Variants in IGFBP7 observed in about 807,000 individuals in gnomAD.
IGFBP7 encodes the protein insulin-like growth factor-binding protein 7.
In IGFBP7, 31 loss-of-function variants were observed where a neutral mutation model predicts 29.4. The ratio of observed to expected loss-of-function variants is 1.05; its 90% CI spans 0.79 to 1.42. IGFBP7 has a LOEUF of 1.42. Among genes scored for constraint, IGFBP7 ranks in the 40% most tolerant of loss-of-function variants. The probability of loss-of-function intolerance (pLI) is 0.00; values close to 1 mark genes in which losing one functional copy is unlikely to be tolerated. For synonymous variants in IGFBP7, 172 were observed against 174.9 expected, an observed-to-expected ratio of 0.98 and a Z score of 0.13; for missense variants, 393 against 395.5, an observed-to-expected ratio of 0.99 and a Z score of 0.05.
chr4:57,106,440 T>C (rs1039383066), intron 1 of IGFBP7, among the ~76,000 whole-genome samples: 2 of 152,110 alleles, frequency 1.3e-5, no homozygotes, highest in African/African-American at 2.4e-5. Flanking sequence ...AAGGCACAAC[T>C]TCTACAGAGG....
chr4:57,051,661 T>C (rs1245920368), intron 1 of IGFBP7, among the ~76,000 whole-genome samples: 1 of 152,190 alleles, frequency 6.6e-6, no homozygotes, highest in Non-Finnish European at 1.5e-5. Context: ...ATAGTGACTT[T>C]GGAGCGTGGA....
intron 1 of IGFBP7, among the ~76,000 whole-genome samples, chr4:57,096,880 C>A (rs73242649): frequency 0.096 from 14,665 of 152,178 alleles, 748 homozygotes; most frequent in South Asian, 0.13. Flanking sequence ...TCCTGCTAAG[C>A]TAAGGCTACA....
chr4:57,089,039 T>TAAAA (rs397734783), intron 1 of IGFBP7, among the ~76,000 whole-genome samples: 5 of 133,068 alleles, frequency 3.8e-5, no homozygotes, highest in Non-Finnish European at 4.7e-5. Flanking sequence ...CTCAAAAAAA[T>TAAAA]AAAAAAAAAA....
At chr4:57,065,358 A>G (rs1458865486) in intron 1 of IGFBP7, 1 of 152,216 alleles carries the variant, frequency 6.6e-6, no homozygotes, top group East Asian at 1.9e-4. Flanking sequence ...AGACAAATAA[A>G]CTCAGTCTAT....
At chr4:57,066,877 AG>A (rs1724932219) in intron 1 of IGFBP7, among the ~76,000 whole-genome samples, 1 of 152,054 alleles carries the variant, frequency 6.6e-6, no homozygotes, top group African/African-American at 2.4e-5. Flanking sequence ...TTGTTTTAAA[AG>A]AAGAAAAAAA....
intron 1 of IGFBP7, among the ~76,000 whole-genome samples, chr4:57,081,978 C>T (rs1725381281): frequency 6.6e-6 from 1 of 152,034 alleles, no homozygotes; most frequent in Non-Finnish European, 1.5e-5. Context: ...TTTGGCTTAC[C>T]AGGTGAAAGG....
chr4:57,036,340 C>A (rs12648928), intron 2 of IGFBP7, among the ~76,000 whole-genome samples: 1 of 151,966 alleles, frequency 6.6e-6, no homozygotes, highest in Non-Finnish European at 1.5e-5. Context: ...TTTCTTTATA[C>A]GTCTTTGGAT....
intron 1 of IGFBP7, chr4:57,072,871 A>G (rs1725090041): frequency 1.5e-6 from 1 of 648,012 alleles, no homozygotes; most frequent in Non-Finnish European, 3.0e-6. Flanking sequence ...CTTACAATGT[A>G]CCCATGGTGA....
At chr4:57,037,811 C>T (rs2109739645) in intron 2 of IGFBP7, among the ~76,000 whole-genome samples, 1 of 152,258 alleles carries the variant, frequency 6.6e-6, no homozygotes, top group East Asian at 1.9e-4. Context: ...CTGTAGAGAA[C>T]TGCAACGGAG....
chr4:57,054,424 GGAGATCGA>G (rs1172476830), intron 1 of IGFBP7, among the ~76,000 whole-genome samples: 20 of 152,056 alleles, frequency 1.3e-4, no homozygotes, highest in Non-Finnish European at 2.8e-4. Context: ...CACGAGGTCA[GGAGATCGA>G]GACCATCCTG....
chr4:57,064,268 C>T (rs1272854213), intron 1 of IGFBP7, among the ~76,000 whole-genome samples: 1 of 152,180 alleles, frequency 6.6e-6, no homozygotes, highest in African/African-American at 2.4e-5. Context: ...GTGGTTGGAT[C>T]CCTTCAGCCT....
intron 2 of IGFBP7, among the ~76,000 whole-genome samples, chr4:57,039,581 G>A (rs893073700): frequency 1.3e-5 from 2 of 151,794 alleles, no homozygotes; most frequent in Non-Finnish European, 2.9e-5. Flanking sequence ...TGTCAATAGT[G>A]CTGAGGCTGA....
intron 1 of IGFBP7, among the ~76,000 whole-genome samples, chr4:57,052,081 G>C (rs1247921254): frequency 6.6e-6 from 1 of 152,164 alleles, no homozygotes; most frequent in Non-Finnish European, 1.5e-5. Context: ...CATGATTCAA[G>C]TGGCATTTCC....
chr4:57,107,426 T>G (rs1221020700), intron 1 of IGFBP7, among the ~76,000 whole-genome samples: 1 of 152,196 alleles, frequency 6.6e-6, no homozygotes, highest in Non-Finnish European at 1.5e-5. Flanking sequence ...TCCTATTCTG[T>G]GCAAAGCCCC....
intron 1 of IGFBP7, among the ~76,000 whole-genome samples, chr4:57,093,267 G>T (rs973954387): frequency 6.6e-6 from 1 of 152,184 alleles, no homozygotes; most frequent in Non-Finnish European, 1.5e-5. Flanking sequence ...TTGGGAGACC[G>T]AGGCGGGCGG....
At chr4:57,076,466 C>T (rs1236703827) in intron 1 of IGFBP7, among the ~76,000 whole-genome samples, 1 of 152,194 alleles carries the variant, frequency 6.6e-6, no homozygotes, top group Non-Finnish European at 1.5e-5. Context: ...TTTAACCATG[C>T]AACCTCCCTG....
At chr4:57,055,574 G>A (rs1268561012) in intron 1 of IGFBP7, among the ~76,000 whole-genome samples, 1 of 152,140 alleles carries the variant, frequency 6.6e-6, no homozygotes, top group African/African-American at 2.4e-5. Flanking sequence ...GGTTCTGGGT[G>A]AAGGGTACAG....
chr4:57,040,676 G>A, intron 2 of IGFBP7, 148 bp downstream of exon 2: 1 of 673,270 alleles, frequency 1.5e-6, no homozygotes, highest in Non-Finnish European at 2.7e-6. Flanking sequence ...ATGAATCCAG[G>A]GGAGGGGCCT....
intron 1 of IGFBP7, among the ~76,000 whole-genome samples, chr4:57,082,151 G>T (rs749254237): frequency 2.6e-5 from 4 of 152,140 alleles, no homozygotes; most frequent in Non-Finnish European, 4.4e-5. Context: ...AAATGGAAAG[G>T]TTGAAGCAAT....
Sources: allele counts gnomAD v4.1 joint callset (sites outside exome capture counted in the v4.1 genomes callset), GRCh38; gene constraint gnomAD v4.1.1; transcripts MANE v1.5; gene names NCBI Gene and HGNC (gene_info 2026-07-23, HGNC 2026-07-21).